Variants in PARD3 observed in about 807,000 individuals in gnomAD.
PARD3 encodes partitioning defective 3 homolog.
Under a neutral mutation model 155.4 loss-of-function variants are expected in PARD3, and 75 were observed. The observed-to-expected ratio is 0.48, with a 90% CI of 0.40 to 0.58. The LOEUF is 0.58. Ranked by LOEUF, PARD3 falls within the 20% of genes least tolerant of loss-of-function variation. The probability of loss-of-function intolerance (pLI) is 0.00; values close to 1 mark genes in which losing one functional copy is unlikely to be tolerated. For missense variants in PARD3, 1,642 were observed against 1,721.7 expected (o/e 0.95, Z 0.82); for synonymous variants, 576 against 610.5 (o/e 0.94, Z 0.83).
intron 1 of PARD3, among the ~76,000 whole-genome samples, chr10:34,754,760 A>G (rs562833005): frequency 5.9e-5 from 9 of 152,222 alleles, no homozygotes; most frequent in Non-Finnish European, 1.2e-4. Flanking sequence ...CAATCCCCTG[A>G]CTTAAACTAT....
chr10:34,296,879 G>C (rs1956936132), intron 20 of PARD3, among the ~76,000 whole-genome samples: 1 of 152,142 alleles, frequency 6.6e-6, no homozygotes, highest in South Asian at 2.1e-4. Flanking sequence ...ATTCTTGGGA[G>C]GCTGAGGTCA....
intron 5 of PARD3, among the ~76,000 whole-genome samples, chr10:34,409,163 G>A (rs551594084): frequency 3.9e-4 from 59 of 152,090 alleles, no homozygotes; most frequent in Non-Finnish European, 7.4e-4. Flanking sequence ...AATGCCTCCC[G>A]TCTTGATACA....
intron 1 of PARD3, among the ~76,000 whole-genome samples, chr10:34,761,279 C>T (rs180786973): frequency 1.3e-5 from 2 of 152,056 alleles, no homozygotes; most frequent in East Asian, 3.9e-4. Flanking sequence ...GGTGTGGTTG[C>T]GTGTACCCAT....
intron 20 of PARD3, among the ~76,000 whole-genome samples, chr10:34,294,519 G>A (rs570951254): frequency 1.2e-4 from 19 of 152,308 alleles, no homozygotes; most frequent in African/African-American, 4.1e-4. Flanking sequence ...TAAGGTGACC[G>A]TCAGCACTTT....
chr10:34,137,232 C>T lies in PARD3; in HGVS notation c.3420-5649G>A, dbSNP rs555155194. Reference sequence around the variant, plus strand: ...CCAATGAGAAATGCAGCAGGGATCACGCAGTGTTTGTGGTTACAATCGTGG... The same window carrying T: ...CCAATGAGAAATGCAGCAGGGATCATGCAGTGTTTGTGGTTACAATCGTGG... On this transcript the variant is annotated intron_variant, in intron 22 of 24. Transcript: ENST00000374788. Among the ~76,000 whole-genome samples the T allele has an allele frequency of 7.9e-5, 12 of 152,318 alleles. No individual in the cohort carries two copies. In the East Asian group the frequency reaches 9.6e-4, roughly 12 times the overall value.
At chr10:34,785,843 A>G (rs1211869150) in intron 1 of PARD3, among the ~76,000 whole-genome samples, 2 of 152,218 alleles carry the variant, frequency 1.3e-5, no homozygotes, top group Admixed American at 6.5e-5. Context: ...GAGAAGAAAA[A>G]AAAATTAATA....
At chr10:34,439,552 C>T (rs935407869) in intron 5 of PARD3, among the ~76,000 whole-genome samples, 7 of 152,100 alleles carry the variant, frequency 4.6e-5, no homozygotes, top group Middle Eastern at 6.8e-3. Flanking sequence ...CTGCCTCCCA[C>T]GTTCAAATGA....
chr10:34,635,870 T>G (rs1480013811), intron 2 of PARD3, among the ~76,000 whole-genome samples: 1 of 152,084 alleles, frequency 6.6e-6, no homozygotes, highest in East Asian at 1.9e-4. Context: ...TGGAACTACT[T>G]AAGGTTGTAA....
intron 3 of PARD3, among the ~76,000 whole-genome samples, chr10:34,512,980 G>C (rs1444773191): frequency 1.3e-5 from 2 of 151,888 alleles, no homozygotes; most frequent in African/African-American, 4.8e-5. Context: ...ATCTCCCTTT[G>C]TACAAATTCC....
At position 34,629,778 on chromosome 10, in the gene PARD3, G is replaced by A. The variant is rs74132076; in HGVS notation, c.222+66540C>T. Among the ~76,000 whole-genome samples, 9 of 152,180 alleles carry A rather than the reference G, an allele frequency of 5.9e-5. No individual in the cohort carries two copies. In the South Asian group the frequency reaches 6.2e-4, roughly 11 times the overall value. On this transcript the variant is annotated intron_variant, in intron 2 of 24. Coordinates refer to ENST00000374788, the MANE Select transcript of PARD3 (RefSeq NM_001184785.2). ...ATAAACACTAAAATATTCAAGACCC[G>A]CAGCTTTTATTAGGAGATTTTAAGA... is the stretch of plus-strand genomic sequence containing the variant.
At chr10:34,605,028 G>A (rs1819960381) in intron 2 of PARD3, among the ~76,000 whole-genome samples, 1 of 151,852 alleles carries the variant, frequency 6.6e-6, no homozygotes, top group Non-Finnish European at 1.5e-5. Flanking sequence ...AACTTTCACT[G>A]AGTTTCTCTT....
At chr10:34,527,379 A>G (rs1748200133) in intron 2 of PARD3, among the ~76,000 whole-genome samples, 1 of 152,212 alleles carries the variant, frequency 6.6e-6, no homozygotes, top group African/African-American at 2.4e-5. Context: ...TTGAACAAGA[A>G]CCTCAGCAAT....
At chr10:34,201,380 T>C (rs909356282) in intron 22 of PARD3, among the ~76,000 whole-genome samples, 20 of 152,362 alleles carry the variant, frequency 1.3e-4, no homozygotes, top group Non-Finnish European at 2.5e-4. Flanking sequence ...TCTCTCATTA[T>C]TTAAAAGCAG....
chr10:34,443,488 G>A lies in PARD3; in HGVS notation c.714+6829C>T, dbSNP rs577998188. On this transcript the variant is annotated intron_variant, in intron 5 of 24. Coordinates refer to ENST00000374788, the MANE Select transcript of PARD3 (RefSeq NM_001184785.2). ...GTTACAGTTCCATGCGGCTAGGGAGGCCTCACAATCATTGTGGAAGGCAGG... is the reference window on the plus strand; with the variant it reads ...GTTACAGTTCCATGCGGCTAGGGAGACCTCACAATCATTGTGGAAGGCAGG... Among the ~76,000 whole-genome samples, 4 of 152,278 alleles carry A rather than the reference G, an allele frequency of 2.6e-5. No homozygotes were observed. The East Asian group carries it at 7.7e-4, about 29-fold the overall frequency.
intron 24 of PARD3, among the ~76,000 whole-genome samples, chr10:34,114,603 C>T (rs1946564083): frequency 6.6e-6 from 1 of 152,174 alleles, no homozygotes; most frequent in African/African-American, 2.4e-5. Flanking sequence ...CCTCAGCCTC[C>T]CATAGTCCTG....
chr10:34,383,124 TTCTC>T (rs1369443146), intron 8 of PARD3, among the ~76,000 whole-genome samples: 1 of 152,192 alleles, frequency 6.6e-6, no homozygotes, highest in African/African-American at 2.4e-5. Flanking sequence ...AAATTTCTCA[TTCTC>T]TCAATAAAAA....
intron 20 of PARD3, among the ~76,000 whole-genome samples, chr10:34,296,742 GT>G (rs1325559144): frequency 6.6e-6 from 1 of 152,120 alleles, no homozygotes; most frequent in Admixed American, 6.6e-5. Context: ...AGATATAAAA[GT>G]ATCAAAGCAT....
chr10:34,743,969 T>G (rs1312034412), intron 1 of PARD3, among the ~76,000 whole-genome samples: 2 of 152,078 alleles, frequency 1.3e-5, no homozygotes, highest in Non-Finnish European at 2.9e-5. Context: ...GGAGAATTGC[T>G]CAGAGTAACA....
chr10:34,628,862 C>A (rs996856234), intron 2 of PARD3, among the ~76,000 whole-genome samples: 1 of 152,198 alleles, frequency 6.6e-6, no homozygotes, highest in African/African-American at 2.4e-5. Context: ...AAAAATTCCA[C>A]GCATTACAGA....
Sources: gnomAD v4.1 joint callset for allele counts (sites outside exome capture counted in the v4.1 genomes callset) on GRCh38, gnomAD v4.1.1 for gene constraint, MANE v1.5 for transcripts, NCBI Gene and HGNC (gene_info 2026-07-23, HGNC 2026-07-21) for gene names.